The following POU2F2 variants were observed in gnomAD, a reference collection of about 807,000 sequenced individuals.
The protein encoded by POU2F2 is POU class 2 homeobox 2, also known as POU domain, class 2, transcription factor 2.
POU2F2 carries 14 observed loss-of-function variants against 63.5 expected under a neutral mutation model. The observed-to-expected ratio is 0.22, with a 90% CI of 0.15 to 0.34. POU2F2 has a LOEUF of 0.34. Among genes scored for constraint, POU2F2 ranks in the 10% least tolerant of loss-of-function variants. The probability of loss-of-function intolerance (pLI) is 1.00; values close to 1 mark genes in which losing one functional copy is unlikely to be tolerated. For synonymous variants in POU2F2, 306 were observed against 348.6 expected (o/e 0.88, Z 1.36); for missense variants, 607 against 815.2 (o/e 0.74, Z 3.11).
At chr19:42,182,472 A>T (rs2034973307) in intron 1 of POU2F2, among the ~76,000 whole-genome samples, 1 of 151,918 alleles carries the variant, frequency 6.6e-6, no homozygotes, top group Admixed American at 6.6e-5. Flanking sequence ...AGGAAGAGTG[A>T]AGGGGACTGG....
upstream of POU2F2, among the ~76,000 whole-genome samples, chr19:42,133,688 ACCAGC>A (rs2033913516): frequency 6.6e-6 from 1 of 151,872 alleles, no homozygotes; most frequent in East Asian, 1.9e-4. This position sits in a 1 kb window ranked among gnomAD's most constrained non-coding sequence, Gnocchi z 5.1. Context: ...AGGCCCCAAC[ACCAGC>A]CCTCCCTGCT....
chr19:42,126,786 T>A (rs1367978909), intron 1 of POU2F2, among the ~76,000 whole-genome samples: 1 of 152,180 alleles, frequency 6.6e-6, no homozygotes, highest in Non-Finnish European at 1.5e-5. Context: ...ACAGGCCTGG[T>A]CTGACTCATC....
chr19:42,186,738 A>C (rs1431276066), intron 1 of POU2F2, among the ~76,000 whole-genome samples: 1 of 152,086 alleles, frequency 6.6e-6, no homozygotes, highest in Non-Finnish European at 1.5e-5. Flanking sequence ...AGGTTTAAAA[A>C]ACCCGGAGGT....
At chr19:42,121,449 T>C (rs2032599741) in intron 4 of POU2F2, among the ~76,000 whole-genome samples, 1 of 152,186 alleles carries the variant, frequency 6.6e-6, no homozygotes, top group South Asian at 2.1e-4. Context: ...GACTTTCCCA[T>C]GGTCACAGAG....
At chr19:42,193,734 C>A (rs2035099003) in intron 1 of POU2F2, among the ~76,000 whole-genome samples, 1 of 152,232 alleles carries the variant, frequency 6.6e-6, no homozygotes, top group South Asian at 2.1e-4. Flanking sequence ...ATACGCATAC[C>A]TATGTCCAGC....
intron 5 of POU2F2, among the ~76,000 whole-genome samples, chr19:42,100,452 T>C (rs1308444870): frequency 3.3e-5 from 5 of 151,952 alleles, no homozygotes; most frequent in Non-Finnish European, 7.4e-5. Flanking sequence ...AATAGAATCA[T>C]TTAAAAATGT....
At chr19:42,134,095 G>T (rs566733621), upstream of POU2F2, among the ~76,000 whole-genome samples, 1 of 152,084 alleles carries the variant, frequency 6.6e-6, no homozygotes, top group Non-Finnish European at 1.5e-5. Context: ...GGGTCTTCCC[G>T]ACAGCAGCCT....
Position 42,117,249 on chromosome 19 carries a change from C to A in POU2F2, c.369+1G>T. 6.8e-7 allele frequency: 1 copy of A among 1,475,112 alleles called. No homozygotes were observed. Among genetic ancestry groups the A allele is most frequent in the East Asian group, 2.6e-5 (1 of 38,074 alleles). The allele number at this position is 1,475,112 out of a possible 1,614,324, so 91.4% of individuals were successfully genotyped here. The stretch of plus-strand genomic sequence containing the variant: ...GTCCCCATCCTTCCCCAAGTACTTA[C>A]CCCAGCTAGCTGGCTGCCCGTCAAC... On this transcript the variant is annotated splice_donor_variant, in intron 5 of 14. Coordinates refer to ENST00000692977, the MANE Select transcript of POU2F2 (RefSeq NM_001394376.1). LOFTEE classifies it high-confidence loss of function. This position sits in a 1 kb window ranked among gnomAD's most constrained non-coding sequence, Gnocchi z 4.4.
In POU2F2 at chr19:42,156,077, C is replaced by T. The variant is rs917953903; in HGVS notation, c.-9+4255G>A. ...CCTTCTCTCTGCCTACCAGCCCTCA[C>T]CAGTGCTTCGAAGAGCCCTGAGGAA... is the stretch of plus-strand genomic sequence containing the variant. On this transcript the variant is annotated intron_variant, in intron 2 of 6. Coordinates refer to the POU2F2 transcript ENST00000524801. The surrounding 1 kb of genome is among the most constrained non-coding windows in gnomAD (Gnocchi z 4.1). 5 of 152,212 alleles carry T rather than the reference C, an allele frequency of 3.3e-5. No individual in the cohort carries two copies. Among genetic ancestry groups the T allele is most frequent in the Middle Eastern group, 3.1e-3 (1 of 318 alleles). 9.4% of individuals were successfully genotyped at this position (152,212 alleles called of 1,614,324 possible). A position where few individuals can be genotyped will look rare whatever the true frequency, so the allele number is the denominator to read the frequency against.
intron 5 of POU2F2, among the ~76,000 whole-genome samples, chr19:42,108,422 C>CA (rs1253755644): frequency 6.6e-6 from 1 of 151,854 alleles, no homozygotes; most frequent in African/African-American, 2.4e-5. Flanking sequence ...GGGGTCTCTA[C>CA]AAAAAATCCA....
rs780696114 is a variant in POU2F2 at position 42,117,242 on chromosome 19, G to A, written c.369+8C>T. ...TCCCCTCGTCCCCATCCTTCCCCAAGTACTTACCCCAGCTAGCTGGCTGCC... is the reference window on the plus strand; with the variant it reads ...TCCCCTCGTCCCCATCCTTCCCCAAATACTTACCCCAGCTAGCTGGCTGCC... On this transcript the variant is annotated splice_region_variant and intron_variant, in intron 5 of 14. Coordinates refer to ENST00000692977, the MANE Select transcript of POU2F2 (RefSeq NM_001394376.1). This position sits in a 1 kb window ranked among gnomAD's most constrained non-coding sequence, Gnocchi z 4.4. 2 of 1,473,646 alleles carry A rather than the reference G, an allele frequency of 1.4e-6. No homozygotes were observed. Among genetic ancestry groups the A allele is most frequent in the Non-Finnish European group, 1.8e-6 (2 of 1,117,856 alleles). 91.3% of individuals were successfully genotyped at this position (1,473,646 alleles called of 1,614,324 possible). A position where few individuals can be genotyped will look rare whatever the true frequency, so the allele number is the denominator to read the frequency against.
At chr19:42,177,166 G>C (rs2034901944), upstream of POU2F2, 1 of 152,146 alleles carries the variant, frequency 6.6e-6, no homozygotes, top group Non-Finnish European at 1.5e-5. Flanking sequence ...TGCTCCCATC[G>C]GTAGGCGCCG....
rs888540038 is a variant in POU2F2 at position 42,087,930 on chromosome 19, C to T, written c.*3327G>A. On this transcript the variant is annotated 3_prime_UTR_variant, in exon 15 of 15. Transcript: ENST00000692977. ...AAAACGATGAGATAGTTTTGTTTCCCGGAGTCGAGACGGGGGACCAGAGTG... is the reference window on the plus strand; with the variant it reads ...AAAACGATGAGATAGTTTTGTTTCCTGGAGTCGAGACGGGGGACCAGAGTG... The T allele has an allele frequency of 2.6e-5, 4 of 152,128 alleles. No individual in the cohort carries two copies. The highest frequency in any genetic ancestry group is 7.2e-5 in the African/African-American group (3 of 41,406). The allele number at this position is 152,128 out of a possible 1,614,324, so 9.4% of individuals were successfully genotyped here. A position where few individuals can be genotyped will look rare whatever the true frequency, so the allele number is the denominator to read the frequency against.
chr19:42,170,340 G>C (rs1714246), intron 1 of POU2F2, among the ~76,000 whole-genome samples: 2 of 149,718 alleles, frequency 1.3e-5, no homozygotes, highest in Non-Finnish European at 3.0e-5. Flanking sequence ...GCACAAAGAC[G>C]GCCTCATGGG....
intron 1 of POU2F2, among the ~76,000 whole-genome samples, chr19:42,188,787 A>C: frequency 1.4e-5 from 2 of 143,630 alleles, no homozygotes; most frequent in South Asian, 2.3e-4. Context: ...GAGGGAAGGA[A>C]AGGGAGAGGG....
Position 42,099,609 on chromosome 19 carries a change from G to A in POU2F2, c.485C>T (p.Pro162Leu). ...AGGTAGCTGGAATAGATTTGGTGTC[G>A]GTAGCAGGCCTGGAAAGACAAGGGG... ...QAQQSQPGLL[P>L]TPNLFQLPQQ... Residue 162 changes from proline (P) to leucine (L), a missense_variant, in exon 7 of 15, where the codon CCG (proline) becomes CTG (leucine). This residue lies in a region of POU2F2 where 224 missense variants were observed against 264.3 expected (regional missense o/e 0.85). Transcript: ENST00000692977. The A allele has an allele frequency of 2.5e-6, 4 of 1,613,770 alleles. No individual in the cohort carries two copies. The highest frequency in any genetic ancestry group is 2.5e-6 in the Non-Finnish European group (3 of 1,179,706).
intron 2 of POU2F2, among the ~76,000 whole-genome samples, chr19:42,140,971 G>A (rs1360230684): frequency 6.6e-6 from 1 of 152,130 alleles, no homozygotes; most frequent in Non-Finnish European, 1.5e-5. Flanking sequence ...AATAACTTGG[G>A]CTCCCCTATG....
At chr19:42,113,184 T>C (rs1278225683) in intron 5 of POU2F2, among the ~76,000 whole-genome samples, 3 of 152,172 alleles carry the variant, frequency 2.0e-5, no homozygotes, top group Non-Finnish European at 4.4e-5. Flanking sequence ...ATAGGAAATT[T>C]TCCCCCCTAC....
chr19:42,138,454 G>A (rs1169693463), intron 2 of POU2F2, among the ~76,000 whole-genome samples: 1 of 152,140 alleles, frequency 6.6e-6, no homozygotes, highest in Non-Finnish European at 1.5e-5. Flanking sequence ...AGACCCCAAG[G>A]TGGAGACAAA....
Sources: allele counts gnomAD v4.1 joint callset (sites outside exome capture counted in the v4.1 genomes callset), GRCh38; gene constraint gnomAD v4.1.1; regional missense constraint gnomAD v4.1.1; non-coding constraint Gnocchi (gnomAD v3.1); transcripts MANE v1.5; gene names NCBI Gene and HGNC (gene_info 2026-07-23, HGNC 2026-07-21).